The following LETM1 variants were observed in gnomAD, a reference collection of about 807,000 sequenced individuals.
LETM1 encodes the protein leucine zipper and EF-hand containing transmembrane protein 1, also known as mitochondrial proton/calcium exchanger protein.
In LETM1, 50 loss-of-function variants were observed where a neutral mutation model predicts 74.5. The ratio of observed to expected loss-of-function variants is 0.67; its 90% CI spans 0.53 to 0.85. The LOEUF (loss-of-function observed/expected upper bound fraction) is 0.85. Among genes scored for constraint, LETM1 ranks in the 40% least tolerant of loss-of-function variants. LETM1 has a pLI of 0.00. For synonymous variants in LETM1, 446 were observed against 407.1 expected (o/e 1.10, Z -1.15); for missense variants, 824 against 967.8 (o/e 0.85, Z 1.97).
chr4:1,818,464 T>A (rs1254567938), intron 11 of LETM1, among the ~76,000 whole-genome samples: 1 of 151,172 alleles, frequency 6.6e-6, no homozygotes, highest in East Asian at 2.0e-4. Context: ...ATACAAAAAA[T>A]TAGCCAGGCA....
At chr4:1,849,404 A>G (rs1230588105) in intron 1 of LETM1, among the ~76,000 whole-genome samples, 195 bp from the exon 2 acceptor site, 1 of 151,842 alleles carries the variant, frequency 6.6e-6, no homozygotes, top group Non-Finnish European at 1.5e-5. Context: ...AGCTGGAATT[A>G]CAGGTGCCCA....
At chr4:1,816,941 A>G in intron 11 of LETM1, 27 bp from the exon 12 acceptor site, 1 of 1,597,944 alleles carries the variant, frequency 6.3e-7, no homozygotes, top group Non-Finnish European at 8.6e-7. Flanking sequence ...GGTTGTAAAA[A>G]GTTTGTCTTA....
chr4:1,823,602 C>G (rs748991544), intron 8 of LETM1, 42 bp downstream of exon 8: 1 of 1,610,532 alleles, frequency 6.2e-7, no homozygotes, highest in South Asian at 1.1e-5. Flanking sequence ...GCGGAGCCAC[C>G]TATGAAGAGA....
intron 11 of LETM1, among the ~76,000 whole-genome samples, chr4:1,817,838 C>T (rs749083208): frequency 3.9e-5 from 6 of 152,190 alleles, no homozygotes; most frequent in Admixed American, 2.0e-4. Flanking sequence ...GTGGCATGAT[C>T]TCAGCTCACT....
intron 2 of LETM1, among the ~76,000 whole-genome samples, chr4:1,842,127 G>C (rs1712724795): frequency 6.6e-6 from 1 of 152,186 alleles, no homozygotes; most frequent in Non-Finnish European, 1.5e-5. Flanking sequence ...CACTCCCAGA[G>C]ACTTGGGGAG....
At position 1,818,107 on chromosome 4, in the gene LETM1, G is replaced by GT. The variant is rs796981731; in HGVS notation, c.1744-1194dup. On this transcript the variant is annotated intron_variant, in intron 11 of 13. Transcript: ENST00000302787. ...TAAGTGTCTTTTTAAATTCCAAGTT[G>GT]TTTTTTTCCCACGAGTAAACACCAT... 1.1e-4 allele frequency among the ~76,000 whole-genome samples: 17 copies of GT among 152,104 alleles called. No individual in the cohort carries two copies. In the South Asian group the frequency reaches 1.2e-3, roughly 11 times the overall value.
At chr4:1,828,911 GCTC>G (rs1712140229) in intron 6 of LETM1, among the ~76,000 whole-genome samples, 2 of 107,034 alleles carry the variant, frequency 1.9e-5, no homozygotes, top group Admixed American at 8.3e-5. Context: ...GGGCAGAGGG[GCTC>G]CTCACTTCCC....
At chr4:1,848,126 A>G (rs542723713) in intron 2 of LETM1, among the ~76,000 whole-genome samples, 1 of 152,268 alleles carries the variant, frequency 6.6e-6, no homozygotes, top group South Asian at 2.1e-4. Context: ...AGTTTCTGCC[A>G]GGCATGGTGG....
Position 1,814,261 on chromosome 4 carries a change from C to A in LETM1, c.*163G>T. On this transcript the variant is annotated 3_prime_UTR_variant, in exon 14 of 14. Coordinates refer to ENST00000302787, the MANE Select transcript of LETM1 (RefSeq NM_012318.3). ...CCGGGATTCCAGACAGACTGAATCTCCGTGGAATGATGAAAATTAAAATTT... is the reference window on the plus strand; with the variant it reads ...CCGGGATTCCAGACAGACTGAATCTACGTGGAATGATGAAAATTAAAATTT... The A allele has an allele frequency of 8.8e-7, 1 of 1,133,920 alleles. No homozygotes were observed. Among genetic ancestry groups the A allele is most frequent in the East Asian group, 2.4e-5 (1 of 42,160 alleles). The allele number at this position is 1,133,920 out of a possible 1,614,324, so 70.2% of individuals were successfully genotyped here. A position where few individuals can be genotyped will look rare whatever the true frequency, so the allele number is the denominator to read the frequency against.
rs932742647 is a variant in LETM1, at chr4:1,834,428, C to A, written c.876+417G>T. The A allele has an allele frequency of 3.9e-5, 39 of 999,676 alleles. No individual in the cohort carries two copies. The highest frequency in any genetic ancestry group is 5.8e-5 in the Admixed American group (1 of 17,250). 61.9% of individuals were successfully genotyped at this position (999,676 alleles called of 1,614,324 possible). A position where few individuals can be genotyped will look rare whatever the true frequency, so the allele number is the denominator to read the frequency against. ...CTCCTCCTCTCCAGCCCCCACTGCT[C>A]CCACAGTCCAGGCCTCTGACCAGCC... On this transcript the variant is annotated intron_variant, in intron 5 of 13. Transcript: ENST00000302787. The surrounding 1 kb of genome is among the most constrained non-coding windows in gnomAD (Gnocchi z 5.0).
rs1380768924 is a variant in LETM1, at chr4:1,830,088, C to T, written c.1080+2656G>A. 2.0e-5 allele frequency among the ~76,000 whole-genome samples: 3 copies of T among 152,230 alleles called. No homozygotes were observed. In the East Asian group the frequency reaches 5.8e-4, roughly 29 times the overall value. On this transcript the variant is annotated intron_variant, in intron 6 of 13. Transcript: ENST00000302787. ...TTCTTGAGGTACTTTTTCAGCCCTG[C>T]TCTATCCTTTCTCCCCCGGAACATC...
chr4:1,854,120 A>G (rs1713158631), intron 1 of LETM1, among the ~76,000 whole-genome samples: 1 of 152,208 alleles, frequency 6.6e-6, no homozygotes, highest in South Asian at 2.1e-4. Flanking sequence ...CAGACTGTGC[A>G]GTTCCACCAC....
At chr4:1,855,632 C>G (rs973838329) in intron 1 of LETM1, among the ~76,000 whole-genome samples, 5 of 152,244 alleles carry the variant, frequency 3.3e-5, no homozygotes, top group African/African-American at 4.8e-5. Flanking sequence ...GAGGCAGTGA[C>G]CCGGGGGACC....
intron 13 of LETM1, among the ~76,000 whole-genome samples, chr4:1,815,459 G>C (rs555400246): frequency 6.6e-6 from 1 of 152,360 alleles, no homozygotes; most frequent in South Asian, 2.1e-4. Flanking sequence ...CTCAACACTT[G>C]AGTTGTAACT....
chr4:1,832,094 A>C (rs964212388), intron 6 of LETM1, among the ~76,000 whole-genome samples: 7 of 152,118 alleles, frequency 4.6e-5, no homozygotes, highest in Non-Finnish European at 1.0e-4. Context: ...TGAGGTCCAG[A>C]GTTTGAGGCC....
At position 1,836,552 on chromosome 4, in the gene LETM1, G is replaced by A. The variant is rs1712468414; in HGVS notation, c.615C>T (p.Asp205=). The A allele has an allele frequency of 1.2e-6, 2 of 1,613,902 alleles. No homozygotes were observed. The highest frequency in any genetic ancestry group is 1.7e-6 in the Non-Finnish European group (2 of 1,180,008). Residue 205 remains aspartate (D), a synonymous_variant, in exon 4 of 14, where the codon GAC becomes GAT. Coordinates refer to ENST00000302787, the MANE Select transcript of LETM1 (RefSeq NM_012318.3). The surrounding 1 kb of genome is among the most constrained non-coding windows in gnomAD (Gnocchi z 5.8). ...CAAGGAACGGCACCAGGCGGAAGAG[G>A]TCAGCGCAGATCCGGAGAAACTGGA... ...ERRQFLRICA[D]LFRLVPFLVF...
chr4:1,839,884 A>G (rs991695055), intron 3 of LETM1, among the ~76,000 whole-genome samples: 2 of 152,172 alleles, frequency 1.3e-5, no homozygotes, highest in Non-Finnish European at 2.9e-5. Context: ...TTCCCCGTAC[A>G]TACCTTGCCT....
At chr4:1,828,424 G>C (rs1712101302) in intron 6 of LETM1, among the ~76,000 whole-genome samples, 3 of 113,284 alleles carry the variant, frequency 2.6e-5, no homozygotes, top group African/African-American at 7.7e-5. Context: ...CCGGGCAGAG[G>C]GGCTCCTCAC....
At chr4:1,826,183 G>T (rs1269149220) in intron 6 of LETM1, among the ~76,000 whole-genome samples, 2 of 152,142 alleles carry the variant, frequency 1.3e-5, no homozygotes, top group Non-Finnish European at 2.9e-5. Context: ...AGGCATACAG[G>T]GAGCAACAGG....
Sources: gnomAD v4.1 joint callset for allele counts (sites outside exome capture counted in the v4.1 genomes callset) on GRCh38, gnomAD v4.1.1 for gene constraint, Gnocchi (gnomAD v3.1) non-coding constraint, MANE v1.5 for transcripts, NCBI Gene and HGNC (gene_info 2026-07-23, HGNC 2026-07-21) for gene names.